The following GPR146 variants were observed in gnomAD, a reference collection of about 807,000 sequenced individuals.
GPR146 encodes G protein-coupled receptor 146.
For missense variants in GPR146, 381 were observed against 213.9 expected, an observed-to-expected ratio of 1.78 and a Z score of -4.87; for synonymous variants, 203 against 104.3, an observed-to-expected ratio of 1.95 and a Z score of -5.77.
In GPR146 at chr7:1,058,169, G is replaced by A. The variant is rs767465966; in HGVS notation, c.654G>A (p.Thr218=). 1.2e-5 allele frequency: 9 copies of A among 738,392 alleles called. No homozygotes were observed. Among genetic ancestry groups the A allele is most frequent in the South Asian group, 2.8e-5 (2 of 72,426 alleles). 45.7% of individuals were successfully genotyped at this position (738,392 alleles called of 1,614,324 possible). Reference sequence around the variant, plus strand: ...TCTCCCGCGTCCGCAGGGAGGACACGCCCCTGGACCGGGACACGGGCCGGC... The same window carrying A: ...TCTCCCGCGTCCGCAGGGAGGACACACCCCTGGACCGGGACACGGGCCGGC... ...VLLSRVRRED[T]PLDRDTGRLE... Residue 218 remains threonine (T), a synonymous_variant, in exon 2 of 2, where the codon ACG becomes ACA. Transcript: ENST00000444847.
chr7:1,057,985 T>G lies in GPR146; in HGVS notation c.470T>G (p.Leu157Arg), dbSNP rs756231808. The G allele has an allele frequency of 1.3e-6, 1 of 770,722 alleles. No individual in the cohort carries two copies. The highest frequency in any genetic ancestry group is 2.4e-6 in the Non-Finnish European group (1 of 417,916). The allele number at this position is 770,722 out of a possible 1,614,324, so 47.7% of individuals were successfully genotyped here. Residue 157 changes from leucine (L) to arginine (R), a missense_variant, in exon 2 of 2, where the codon CTG (leucine) becomes CGG (arginine). Physicochemically the swap from Leu to Arg is moderately radical, Grantham distance 102. Coordinates refer to ENST00000444847, the MANE Select transcript of GPR146 (RefSeq NM_001303473.2). ...VCGFVWGGAL[L>R]TSFSSLLFYI... ...GGCTTCGTGTGGGGTGGCGCGCTGC[T>G]GACCAGCTTCTCCTCGCTGCTCTTC...
chr7:1,051,312 G>T (rs1372428227), intron 1 of GPR146, among the ~76,000 whole-genome samples: 1 of 152,262 alleles, frequency 6.6e-6, no homozygotes, highest in Non-Finnish European at 1.5e-5. Context: ...CTGGTGTCCA[G>T]CTCTGCCCCC....
chr7:1,058,199 GC>G lies in GPR146; in HGVS notation c.687del (p.Ser230ArgfsTer22). On this transcript the variant is annotated frameshift_variant, in exon 2 of 2. Transcript: ENST00000444847. LOFTEE classifies it low-confidence loss of function (END_TRUNC). ...TGGACCGGGACACGGGCCGGCTGGA[GC>G]CCTCGGCACACAGGCTGCTGGTGGC... ...PLDRDTGRLE[P>X]SAHRLLVATV... 1.3e-6 allele frequency: 1 copy of G among 746,944 alleles called. No homozygotes were observed. The allele number at this position is 746,944 out of a possible 1,614,324, so 46.3% of individuals were successfully genotyped here. A position where few individuals can be genotyped will look rare whatever the true frequency, so the allele number is the denominator to read the frequency against.
intron 1 of GPR146, chr7:1,056,308 T>C (rs1177883809): frequency 6.5e-6 from 1 of 152,934 alleles, no homozygotes; most frequent in South Asian, 2.1e-4. Flanking sequence ...GGCAGCGCTG[T>C]GGCGGCACTG....
At position 1,057,804 on chromosome 7, in the gene GPR146, G is replaced by A. The variant is rs748352521; in HGVS notation, c.289G>A (p.Val97Met). 1 of 776,208 alleles carries A rather than the reference G, an allele frequency of 1.3e-6. No individual in the cohort carries two copies. The highest frequency in any genetic ancestry group is 2.4e-6 in the Non-Finnish European group (1 of 417,764). The allele number at this position is 776,208 out of a possible 1,614,324, so 48.1% of individuals were successfully genotyped here. ...PPSSRWALWSVGGEVHVALQI... is the reference protein window; with the variant it reads ...PPSSRWALWSMGGEVHVALQI... ...GAGCTCCCGGTGGGCGCTGTGGAGT[G>A]TGGGCGGCGAAGTCCACGTGGCACT... Residue 97 changes from valine to methionine, a missense_variant, in exon 2 of 2, where the codon GTG becomes ATG. Val to Met is a conservative substitution (Grantham distance 21, BLOSUM62 1). Coordinates refer to ENST00000444847, the MANE Select transcript of GPR146 (RefSeq NM_001303473.2).
In GPR146 at chr7:1,052,778, G is replaced by C. The variant is rs1783259019; in HGVS notation, c.-24-4714G>C. ...ACGGGTGACTGGAGGGCATGTGCCA[G>C]CTCTGTTCCTCAAGCCTGGCCCAAG... is the stretch of plus-strand genomic sequence containing the variant. On this transcript the variant is annotated intron_variant, in intron 1 of 1. Coordinates refer to ENST00000444847, the MANE Select transcript of GPR146 (RefSeq NM_001303473.2). This position sits in a 1 kb window ranked among gnomAD's most constrained non-coding sequence, Gnocchi z 4.2. 6.6e-6 allele frequency among the ~76,000 whole-genome samples: 1 copy of C among 152,120 alleles called. No individual in the cohort carries two copies. The highest frequency in any genetic ancestry group is 2.1e-4 in the South Asian group (1 of 4,822).
chr7:1,052,118 C>T lies in GPR146; in HGVS notation c.-24-5374C>T, dbSNP rs1211847128. On this transcript the variant is annotated intron_variant, in intron 1 of 1. Coordinates refer to ENST00000444847, the MANE Select transcript of GPR146 (RefSeq NM_001303473.2). The surrounding 1 kb of genome is among the most constrained non-coding windows in gnomAD (Gnocchi z 4.2). ...CCCAGGCAGGGCCAGCTCCTTCCAC[C>T]TTCCCAGCCAAGATGCTGCCTGCAG... Among the ~76,000 whole-genome samples the T allele has an allele frequency of 6.6e-6, 1 of 152,286 alleles. No homozygotes were observed. Among genetic ancestry groups the T allele is most frequent in the Non-Finnish European group, 1.5e-5 (1 of 68,054 alleles).
rs185596330 is a variant in GPR146 at position 1,058,286 on chromosome 7, G to T, written c.771G>T (p.Thr257=). Residue 257 remains threonine (T), a synonymous_variant, in exon 2 of 2, where the codon ACG becomes ACT. Transcript: ENST00000444847. The stretch of plus-strand genomic sequence containing the variant: ...ACTATCTGATCCTGCTGGGGCACAC[G>T]GTCATCATCTCGCGAGGGAAGCCCG... ...TPHYLILLGH[T]VIISRGKPVD... The T allele has an allele frequency of 1.3e-6, 1 of 773,740 alleles. No individual in the cohort carries two copies. The highest frequency in any genetic ancestry group is 2.4e-6 in the Non-Finnish European group (1 of 418,040). 47.9% of individuals were successfully genotyped at this position (773,740 alleles called of 1,614,324 possible).
chr7:1,055,599 G>C, intron 1 of GPR146: 2 of 374,274 alleles, frequency 5.3e-6, no homozygotes, highest in East Asian at 1.5e-4. Context: ...GAGGACGCAG[G>C]GGGTTCTGTA....
chr7:1,053,347 C>T (rs542237369), intron 1 of GPR146, among the ~76,000 whole-genome samples: 22 of 152,338 alleles, frequency 1.4e-4, no homozygotes, highest in African/African-American at 4.3e-4. Flanking sequence ...CAGAACCTTG[C>T]GCAGGACAGG....
At chr7:1,055,307 TCA>T (rs1341182672) in intron 1 of GPR146, 1 of 471,026 alleles carries the variant, frequency 2.1e-6, no homozygotes, top group African/African-American at 2.0e-5. Context: ...CCTGGGGCCC[TCA>T]CACGCACGCG....
At position 1,058,029 on chromosome 7, in the gene GPR146, T is replaced by C. The variant is rs774529704; in HGVS notation, c.514T>C (p.Ser172Pro). The C allele has an allele frequency of 1.2e-5, 9 of 769,346 alleles. No homozygotes were observed. Among genetic ancestry groups the C allele is most frequent in the Non-Finnish European group, 1.9e-5 (8 of 417,992 alleles). 47.7% of individuals were successfully genotyped at this position (769,346 alleles called of 1,614,324 possible). The change falls in exon 2 of 2, where the codon TCC becomes CCC. Residue 172 changes from serine to proline, a missense_variant. Ser to Pro is a moderately conservative substitution (Grantham distance 74, BLOSUM62 -1). Coordinates refer to ENST00000444847, the MANE Select transcript of GPR146 (RefSeq NM_001303473.2). ...SLLFYICSHV[S>P]TRALECAKMQ... ...GCTCTTCTACATCTGCAGCCATGTG[T>C]CCACCCGCGCGCTAGAGTGCGCCAA... is the stretch of plus-strand genomic sequence containing the variant.
rs201455933 is a variant in GPR146, at chr7:1,058,298, G to A, written c.783G>A (p.Ser261=). The change falls in exon 2 of 2, where the codon TCG becomes TCA. Residue 261 remains serine (S), a synonymous_variant. Transcript: ENST00000444847. The stretch of plus-strand genomic sequence containing the variant: ...TGCTGGGGCACACGGTCATCATCTC[G>A]CGAGGGAAGCCCGTGGACGCACACT... The part of the protein sequence containing the change: ...LILLGHTVII[S]RGKPVDAHYL... 13 of 774,636 alleles carry A rather than the reference G, an allele frequency of 1.7e-5. No homozygotes were observed. Among genetic ancestry groups the A allele is most frequent in the East Asian group, 4.8e-5 (2 of 41,252 alleles). 48.0% of individuals were successfully genotyped at this position (774,636 alleles called of 1,614,324 possible). A position where few individuals can be genotyped will look rare whatever the true frequency, so the allele number is the denominator to read the frequency against.
intron 1 of GPR146, among the ~76,000 whole-genome samples, chr7:1,047,647 C>T (rs1058729): frequency 0.26 from 39,503 of 152,218 alleles, 5,684 homozygotes; most frequent in African/African-American, 0.37. Context: ...CAAGGTTGAG[C>T]GTCTCATGGT....
chr7:1,050,819 C>T (rs1263731030), intron 1 of GPR146, among the ~76,000 whole-genome samples: 1 of 152,202 alleles, frequency 6.6e-6, no homozygotes, highest in Non-Finnish European at 1.5e-5. Context: ...CCGGAAACAG[C>T]GACATCCACA....
In GPR146 at chr7:1,058,692, TC is replaced by T. The variant is rs1583617322; in HGVS notation, c.*179del. The T allele has an allele frequency of 6.6e-6, 4 of 603,054 alleles. No individual in the cohort carries two copies. The East Asian group carries it at 1.1e-4, about 17-fold the overall frequency. The allele number at this position is 603,054 out of a possible 1,614,324, so 37.4% of individuals were successfully genotyped here. A position where few individuals can be genotyped will look rare whatever the true frequency, so the allele number is the denominator to read the frequency against. On this transcript the variant is annotated 3_prime_UTR_variant, in exon 2 of 2. Transcript: ENST00000444847. ...TGCCACTCTTGGGCCAAGGCTGTGGTCCCCGTGGCTGGCATCTGGCTTGAGT... is the reference window on the plus strand; with the variant it reads ...TGCCACTCTTGGGCCAAGGCTGTGGTCCCGTGGCTGGCATCTGGCTTGAGT...
rs375024607 is a variant in GPR146 at position 1,058,247 on chromosome 7, G to A, written c.732G>A (p.Gly244=). 2 of 768,290 alleles carry A rather than the reference G, an allele frequency of 2.6e-6. No homozygotes were observed. The highest frequency in any genetic ancestry group is 2.4e-6 in the Non-Finnish European group (1 of 417,190). The allele number at this position is 768,290 out of a possible 1,614,324, so 47.6% of individuals were successfully genotyped here. A position where few individuals can be genotyped will look rare whatever the true frequency, so the allele number is the denominator to read the frequency against. ...LLVATVCTQF[G]LWTPHYLILL... Reference sequence around the variant, plus strand: ...TGGCCACCGTGTGCACGCAGTTTGGGCTCTGGACGCCACACTATCTGATCC... The same window carrying A: ...TGGCCACCGTGTGCACGCAGTTTGGACTCTGGACGCCACACTATCTGATCC... The change falls in exon 2 of 2, where the codon GGG becomes GGA. Residue 244 remains glycine, a synonymous_variant. Transcript: ENST00000444847.
At chr7:1,045,311 G>A (rs115401440) in intron 1 of GPR146, 1 of 152,258 alleles carries the variant, frequency 6.6e-6, no homozygotes, top group Non-Finnish European at 1.5e-5. Context: ...TGGACCAGAG[G>A]ATAATTCTGT....
At chr7:1,056,065 C>T (rs143407337) in intron 1 of GPR146, 5,108 of 153,594 alleles carry the variant, frequency 0.033, 142 homozygotes, top group Middle Eastern at 0.14. Context: ...GAGGCCCGGA[C>T]GCCCCCCTCA....
Sources: gnomAD v4.1 joint callset for allele counts (sites outside exome capture counted in the v4.1 genomes callset) on GRCh38, gnomAD v4.1.1 for gene constraint, Gnocchi (gnomAD v3.1) non-coding constraint, MANE v1.5 for transcripts, NCBI Gene and HGNC (gene_info 2026-07-23, HGNC 2026-07-21) for gene names.